The following ZFP62 variants were observed in gnomAD, a reference collection of about 807,000 sequenced individuals.
ZFP62 encodes ZFP62 zinc finger protein, also known as zinc finger protein 62 homolog.
Under a neutral mutation model 56.4 loss-of-function variants are expected in ZFP62, and 44 were observed. The ratio of observed to expected loss-of-function variants is 0.78; its 90% confidence interval spans 0.61 to 1.00. ZFP62 has a LOEUF of 1.00. ZFP62 is among the 50% of genes least tolerant of loss of function. The pLI is 0.00. For missense variants in ZFP62, 1,030 were observed against 1,085.7 expected (o/e 0.95, Z 0.72); for synonymous variants, 421 against 388.9 (o/e 1.08, Z -0.97).
At chr5:180,840,671 G>A in the ZFP62 span, among the ~76,000 whole-genome samples, 5 of 151,950 alleles carry the variant, frequency 3.3e-5, no homozygotes, top group Non-Finnish European at 5.9e-5. Flanking sequence ...CAGGAGAATC[G>A]CTTGAACCCT....
chr5:180,830,477 G>A, the ZFP62 span: 1 of 152,384 alleles, frequency 6.6e-6, no homozygotes, highest in African/African-American at 2.4e-5. Context: ...CCTCCCTGAT[G>A]ACTACAGAGC....
In ZFP62 at chr5:180,851,062, C is replaced by A; in HGVS notation, c.433G>T (p.Glu145Ter). Residue 145 changes from glutamate to a stop codon, truncating the protein, a stop_gained, in exon 2 of 2, where the codon GAA (glutamate) becomes TAA (stop). Coordinates refer to ENST00000502412, the MANE Select transcript of ZFP62 (RefSeq NM_001172638.2). LOFTEE classifies it high-confidence loss of function. ...NAVKKLHKCD[E>*]CGKSFKYNSR... Reference sequence around the variant, plus strand: ...TTATATTTGAAGGATTTCCCACATTCATCACATTTATGTAATTTCTTAACA... The same window carrying A: ...TTATATTTGAAGGATTTCCCACATTAATCACATTTATGTAATTTCTTAACA... The A allele has an allele frequency of 2.6e-6, 4 of 1,551,732 alleles. No homozygotes were observed. The highest frequency in any genetic ancestry group is 3.5e-6 in the Non-Finnish European group (4 of 1,146,996).
chr5:180,837,543 A>C, the ZFP62 span, among the ~76,000 whole-genome samples: 1 of 152,208 alleles, frequency 6.6e-6, no homozygotes, highest in Non-Finnish European at 1.5e-5. Flanking sequence ...ATTGAAGGGA[A>C]GCTCCTAATC....
rs1362859746 is a variant in ZFP62, at chr5:180,851,034, G to A, written c.461C>T (p.Ser154Phe). 9.7e-6 allele frequency: 15 copies of A among 1,551,544 alleles called. No individual in the cohort carries two copies. The highest frequency in any genetic ancestry group is 1.3e-5 in the Non-Finnish European group (15 of 1,147,004). The change falls in exon 2 of 2, where the codon TCC becomes TTC. Residue 154 changes from serine to phenylalanine, a missense_variant. Ser to Phe is a radical substitution (Grantham distance 155). Coordinates refer to ENST00000502412, the MANE Select transcript of ZFP62 (RefSeq NM_001172638.2). ...CATAATTTTATGTTGAACAAGGCGG[G>A]AATTATATTTGAAGGATTTCCCACA... ...DECGKSFKYN[S>F]RLVQHKIMHT...
chr5:180,830,181 G>C, the ZFP62 span: 1 of 152,252 alleles, frequency 6.6e-6, no homozygotes, highest in Non-Finnish European at 1.5e-5. Context: ...GGAACAGCTT[G>C]TGTGACCGAT....
At chr5:180,836,191 C>T in the ZFP62 span, among the ~76,000 whole-genome samples, 1 of 152,250 alleles carries the variant, frequency 6.6e-6, no homozygotes, top group African/African-American at 2.4e-5. Flanking sequence ...CGATGCATTT[C>T]TCACAACGTA....
the ZFP62 span, chr5:180,835,806 A>G: frequency 1.3e-5 from 2 of 152,212 alleles, no homozygotes; most frequent in Admixed American, 1.3e-4. Flanking sequence ...CAAGTGCAGT[A>G]TGAAACTTTA....
the ZFP62 span, among the ~76,000 whole-genome samples, chr5:180,839,019 G>A: frequency 6.6e-6 from 1 of 152,182 alleles, no homozygotes; most frequent in Non-Finnish European, 1.5e-5. Context: ...CATTTATCAT[G>A]AGGGGGTTAA....
Position 180,851,308 on chromosome 5 carries a change from C to T in ZFP62, c.187G>A (p.Glu63Lys). 7.1e-6 allele frequency: 11 copies of T among 1,551,688 alleles called. No homozygotes were observed. Among genetic ancestry groups the T allele is most frequent in the Non-Finnish European group, 9.6e-6 (11 of 1,147,002 alleles). Residue 63 changes from glutamate (E) to lysine (K), a missense_variant, in exon 2 of 2, where the codon GAG becomes AAG. By Grantham distance (56) the Glu-to-Lys change is moderately conservative. Coordinates refer to ENST00000502412, the MANE Select transcript of ZFP62 (RefSeq NM_001172638.2). The stretch of plus-strand genomic sequence containing the variant: ...GCTTCCCTGATGCTGCTTTTGTCCT[C>T]CTTCATCCTGTTTTCCACAGGCTTT... ...QKKPVENRMK[E>K]DKSSIREAIS...
the ZFP62 span, chr5:180,831,593 A>C: frequency 6.6e-6 from 1 of 152,440 alleles, no homozygotes; most frequent in Non-Finnish European, 1.5e-5. Context: ...GCGGCTGCGG[A>C]GAGAGGCCCA....
chr5:180,849,390 G>C lies in ZFP62; in HGVS notation c.2105C>G (p.Thr702Arg). The C allele has an allele frequency of 6.4e-7, 1 of 1,550,918 alleles. No homozygotes were observed. Among genetic ancestry groups the C allele is most frequent in the Admixed American group, 2.0e-5 (1 of 50,960 alleles). ...AAAAGCTTTTCCACATTCATCACATGTATGGGGTGTCCTGCCAGGGTGGGT... is the reference window on the plus strand; with the variant it reads ...AAAAGCTTTTCCACATTCATCACATCTATGGGGTGTCCTGCCAGGGTGGGT... ...KSTHPGRTPH[T>R]CDECGKAFFS... Residue 702 changes from threonine (T) to arginine (R), a missense_variant, in exon 2 of 2, where the codon ACA becomes AGA. Coordinates refer to ENST00000502412, the MANE Select transcript of ZFP62 (RefSeq NM_001172638.2).
chr5:180,851,585 A>T, intron 1 of ZFP62, 92 bp from the exon 2 acceptor site: 1 of 1,344,812 alleles, frequency 7.4e-7, no homozygotes, highest in Non-Finnish European at 9.9e-7. Flanking sequence ...TCACTTGACA[A>T]ACATTTACTG....
In ZFP62 at chr5:180,849,949, A is replaced by G; in HGVS notation, c.1546T>C (p.Tyr516His). Residue 516 changes from tyrosine (Y) to histidine (H), a missense_variant, in exon 2 of 2, where the codon TAC (tyrosine) becomes CAC (histidine). Tyr to His is a moderately conservative substitution (Grantham distance 83, BLOSUM62 2). Transcript: ENST00000502412. ...KCSYCEKSFN[Y>H]SSALEQHKRI... ...TTATGCTGTTCAAGGGCAGAGCTGT[A>G]GTTGAAGGATTTCTCACAATAGCTA... 2 of 1,551,438 alleles carry G rather than the reference A, an allele frequency of 1.3e-6. No individual in the cohort carries two copies. Among genetic ancestry groups the G allele is most frequent in the Non-Finnish European group, 1.7e-6 (2 of 1,146,936 alleles).
At chr5:180,857,161 T>G (rs142229525) in intron 1 of ZFP62, among the ~76,000 whole-genome samples, 140 of 151,462 alleles carry the variant, frequency 9.2e-4, no homozygotes, top group African/African-American at 3.3e-3. Flanking sequence ...CCATAAGGAG[T>G]CCAGACTTGA....
chr5:180,861,126 G>C, intron 1 of ZFP62, 93 bp downstream of exon 1: 1 of 398,812 alleles, frequency 2.5e-6, no homozygotes, highest in East Asian at 3.6e-5. Flanking sequence ...TCCCGCCCGA[G>C]ACCCGCGGAG....
chr5:180,855,878 GTAAAA>G (rs767295900), intron 1 of ZFP62, among the ~76,000 whole-genome samples: 3 of 152,052 alleles, frequency 2.0e-5, no homozygotes, highest in Non-Finnish European at 4.4e-5. Context: ...AAGAATTTTT[GTAAAA>G]TGCACACCTA....
downstream of ZFP62, among the ~76,000 whole-genome samples, chr5:180,845,203 G>A (rs563645660): frequency 9.9e-5 from 15 of 151,830 alleles, no homozygotes; most frequent in African/African-American, 1.4e-4. Context: ...GCATGGTGGC[G>A]CATGCCTGTA....
chr5:180,852,748 C>G (rs2619766), intron 1 of ZFP62, among the ~76,000 whole-genome samples: 4 of 152,002 alleles, frequency 2.6e-5, no homozygotes, highest in Non-Finnish European at 5.9e-5. Flanking sequence ...AAGACTGATA[C>G]ATTTTCAAAA....
At chr5:180,827,188 C>T in the ZFP62 span, among the ~76,000 whole-genome samples, 1 of 152,206 alleles carries the variant, frequency 6.6e-6, no homozygotes, top group Non-Finnish European at 1.5e-5. Context: ...CTTTCTTTTC[C>T]AAGTCATCAC....
Sources: allele counts gnomAD v4.1 joint callset (sites outside exome capture counted in the v4.1 genomes callset), GRCh38; gene constraint gnomAD v4.1.1; transcripts MANE v1.5; gene names NCBI Gene and HGNC (gene_info 2026-07-23, HGNC 2026-07-21).